Variants in XKR6 observed in about 807,000 individuals in gnomAD.
XKR6 encodes the protein XK-related protein 6.
In XKR6, 22 loss-of-function variants were observed where a neutral mutation model predicts 56.7. The observed-to-expected ratio is 0.39, with a 90% confidence interval of 0.28 to 0.55. The LOEUF (loss-of-function observed/expected upper bound fraction) is 0.55. Among genes scored for constraint, XKR6 ranks in the 20% least tolerant of loss-of-function variants. The pLI is 0.66. For synonymous variants in XKR6, 524 were observed against 387.8 expected, an observed-to-expected ratio of 1.35 and a Z score of -4.13; for missense variants, 852 against 889.0, an observed-to-expected ratio of 0.96 and a Z score of 0.53.
chr8:10,986,655 A>T (rs1797871071), intron 1 of XKR6, among the ~76,000 whole-genome samples: 1 of 152,230 alleles, frequency 6.6e-6, no homozygotes, highest in Non-Finnish European at 1.5e-5. Flanking sequence ...CCTGGGTTTA[A>T]ATTGTTGTTC....
At chr8:11,159,510 C>T (rs554197469) in intron 1 of XKR6, among the ~76,000 whole-genome samples, 1 of 152,354 alleles carries the variant, frequency 6.6e-6, no homozygotes, top group South Asian at 2.1e-4. Context: ...ATCAGCTTGC[C>T]ATGTGCTTTC....
At chr8:10,998,643 G>A (rs1045132435) in intron 1 of XKR6, among the ~76,000 whole-genome samples, 3 of 152,178 alleles carry the variant, frequency 2.0e-5, no homozygotes, top group Non-Finnish European at 2.9e-5. Context: ...TGACAGCCTT[G>A]AGCCCCAGGG....
chr8:10,902,425 T>C (rs1487043388), intron 2 of XKR6, among the ~76,000 whole-genome samples: 1 of 152,186 alleles, frequency 6.6e-6, no homozygotes, highest in Non-Finnish European at 1.5e-5. Context: ...TGCTCAAGAC[T>C]GTCCTGAGAA....
At chr8:11,198,705 C>T (rs2117163895) in intron 1 of XKR6, among the ~76,000 whole-genome samples, 1 of 152,160 alleles carries the variant, frequency 6.6e-6, no homozygotes, top group East Asian at 1.9e-4. Context: ...AGTAAGTGTC[C>T]AGGACAGATT....
intron 1 of XKR6, among the ~76,000 whole-genome samples, chr8:11,065,178 A>T (rs550159229): frequency 5.3e-5 from 8 of 152,352 alleles, no homozygotes; most frequent in African/African-American, 1.9e-4. Flanking sequence ...AATGGAGTAC[A>T]TACTTTAGCT....
chr8:11,026,574 T>G (rs1311299791), intron 1 of XKR6, among the ~76,000 whole-genome samples: 1 of 150,326 alleles, frequency 6.7e-6, no homozygotes, highest in Non-Finnish European at 1.5e-5. Context: ...TTAATGGCGT[T>G]GCCTACTACA....
intron 1 of XKR6, among the ~76,000 whole-genome samples, chr8:10,991,156 A>G (rs985896914): frequency 2.0e-5 from 3 of 152,064 alleles, no homozygotes; most frequent in Non-Finnish European, 2.9e-5. Context: ...CACCTGTCTC[A>G]GCCTCCCAAA....
chr8:10,921,717 T>A (rs56043061), intron 2 of XKR6, among the ~76,000 whole-genome samples: 23,036 of 152,108 alleles, frequency 0.15, 2,099 homozygotes, highest in Non-Finnish European at 0.21. Flanking sequence ...ACCTGCCCTA[T>A]CTGTTTGGGG....
chr8:11,016,287 G>A (rs370709502), intron 1 of XKR6, among the ~76,000 whole-genome samples: 1 of 152,130 alleles, frequency 6.6e-6, no homozygotes, highest in South Asian at 2.1e-4. Context: ...CGCCCTGGAT[G>A]GGGAGGGTCT....
At chr8:11,131,720 T>C (rs1586590393) in intron 1 of XKR6, among the ~76,000 whole-genome samples, 1 of 152,296 alleles carries the variant, frequency 6.6e-6, no homozygotes, top group East Asian at 1.9e-4. Context: ...CAGATGATTA[T>C]TTATACCATA....
At chr8:10,964,648 G>C (rs1207627561) in intron 1 of XKR6, among the ~76,000 whole-genome samples, 1 of 152,140 alleles carries the variant, frequency 6.6e-6, no homozygotes, top group African/African-American at 2.4e-5. Context: ...GCACCTGCCT[G>C]TCCCCGCCGT....
chr8:11,190,165 G>GAAAGA (rs1803483386), intron 1 of XKR6, among the ~76,000 whole-genome samples: 1 of 85,452 alleles, frequency 1.2e-5, no homozygotes, highest in African/African-American at 4.5e-5. Context: ...CAAAAAAAAA[G>GAAAGA]AAAGAAAGAA....
At chr8:11,116,329 A>G (rs1799170547) in intron 1 of XKR6, among the ~76,000 whole-genome samples, 1 of 152,230 alleles carries the variant, frequency 6.6e-6, no homozygotes, top group Non-Finnish European at 1.5e-5. Flanking sequence ...CTGTGTCAAC[A>G]CAGAGAACCT....
At chr8:11,104,873 T>C (rs1798618971) in intron 1 of XKR6, 1 of 152,222 alleles carries the variant, frequency 6.6e-6, no homozygotes, top group African/African-American at 2.4e-5. Context: ...TTGCGTTATG[T>C]GAGGTTTCAG....
intron 1 of XKR6, among the ~76,000 whole-genome samples, chr8:11,068,819 C>G (rs1389988074): frequency 6.6e-6 from 1 of 152,120 alleles, no homozygotes; most frequent in African/African-American, 2.4e-5. Context: ...AAGGTGGGCC[C>G]TGCCCCCTCG....
intron 1 of XKR6, among the ~76,000 whole-genome samples, chr8:11,081,273 G>A (rs995299787): frequency 1.3e-5 from 2 of 152,132 alleles, no homozygotes; most frequent in East Asian, 1.9e-4. Context: ...GCTTGACCTC[G>A]GCTTCCTAAT....
At chr8:10,915,007 C>T (rs141856952) in intron 2 of XKR6, among the ~76,000 whole-genome samples, 96 of 152,340 alleles carry the variant, frequency 6.3e-4, no homozygotes, top group Admixed American at 1.7e-3. Flanking sequence ...ACCTCAGTGG[C>T]GCCTTCGTGG....
chr8:10,944,468 C>T (rs1267295767), intron 1 of XKR6, among the ~76,000 whole-genome samples: 1 of 152,176 alleles, frequency 6.6e-6, no homozygotes, highest in African/African-American at 2.4e-5. Flanking sequence ...AAAATCCTCT[C>T]CACTCCAGCC....
intron 1 of XKR6, among the ~76,000 whole-genome samples, chr8:10,931,065 T>A (rs1224325146): frequency 2.0e-5 from 3 of 152,228 alleles, no homozygotes; most frequent in African/African-American, 7.2e-5. Flanking sequence ...CTCATATAAA[T>A]AATTAGTTAA....
Sources: allele counts gnomAD v4.1 joint callset (sites outside exome capture counted in the v4.1 genomes callset), GRCh38; gene constraint gnomAD v4.1.1; transcripts MANE v1.5; gene names NCBI Gene and HGNC (gene_info 2026-07-23, HGNC 2026-07-21).